The following TRIQK variants were observed in gnomAD, a reference collection of about 807,000 sequenced individuals.
TRIQK encodes triple QxxK/R motif containing.
In TRIQK, 10 loss-of-function variants were observed where a neutral mutation model predicts 10.8. That is an observed-to-expected ratio of 0.92 (90% CI 0.57 to 1.57). The LOEUF is 1.57. Ranked by LOEUF, TRIQK falls within the 40% of genes most tolerant of loss-of-function variation. TRIQK has a pLI of 0.00. For missense variants in TRIQK, 107 were observed against 97.7 expected (o/e 1.09, Z -0.40); for synonymous variants, 33 against 33.7 (o/e 0.98, Z 0.07).
At chr8:92,909,636 A>T (rs1183179259) in intron 3 of TRIQK, among the ~76,000 whole-genome samples, 3 of 151,834 alleles carry the variant, frequency 2.0e-5, no homozygotes, top group Non-Finnish European at 3.0e-5. Context: ...CTAAGAAACA[A>T]GCACTAAGCT....
chr8:92,943,567 A>C (rs1811375636), intron 2 of TRIQK, among the ~76,000 whole-genome samples: 1 of 152,222 alleles, frequency 6.6e-6, no homozygotes, highest in African/African-American at 2.4e-5. Flanking sequence ...AGAACACAGA[A>C]TAGAAAAAGA....
intron 2 of TRIQK, among the ~76,000 whole-genome samples, chr8:92,951,393 ACT>A (rs932477137): frequency 3.3e-5 from 5 of 152,040 alleles, no homozygotes; most frequent in African/African-American, 1.2e-4. Flanking sequence ...ACAGAGCACA[ACT>A]CTGACTCTCA....
At chr8:92,901,480 T>C (rs1808936486) in intron 3 of TRIQK, among the ~76,000 whole-genome samples, 1 of 152,206 alleles carries the variant, frequency 6.6e-6, no homozygotes, top group Non-Finnish European at 1.5e-5. Flanking sequence ...TATCAAATGC[T>C]TTTTCACCAT....
chr8:92,947,687 T>A (rs1811628649), intron 2 of TRIQK, among the ~76,000 whole-genome samples: 1 of 151,956 alleles, frequency 6.6e-6, no homozygotes, highest in African/African-American at 2.4e-5. Context: ...TTTTTCACTG[T>A]ACCACACCAT....
chr8:92,889,009 A>G (rs1816625494), intron 4 of TRIQK, among the ~76,000 whole-genome samples: 1 of 151,594 alleles, frequency 6.6e-6, no homozygotes, highest in South Asian at 2.1e-4. Context: ...TTGTGCAAAC[A>G]TTTTTTAGGC....
At chr8:92,954,335 A>G (rs1001848927) in intron 2 of TRIQK, 71 bp downstream of exon 2, 4 of 151,958 alleles carry the variant, frequency 2.6e-5, no homozygotes, top group African/African-American at 9.7e-5. Flanking sequence ...CAAAGCAATA[A>G]GTACAAAGTG....
chr8:92,969,369 T>G (rs1380738411), upstream of TRIQK, among the ~76,000 whole-genome samples: 1 of 152,154 alleles, frequency 6.6e-6, no homozygotes, highest in Non-Finnish European at 1.5e-5. Flanking sequence ...TTAATTCCAT[T>G]GTAGTTAGAA....
At chr8:92,976,840 C>T (rs1401162680) in intron 1 of TRIQK, among the ~76,000 whole-genome samples, 1 of 151,826 alleles carries the variant, frequency 6.6e-6, no homozygotes, top group African/African-American at 2.4e-5. Flanking sequence ...GTTTAACTTA[C>T]CACCATCTAC....
chr8:92,930,438 A>C (rs765860005), intron 2 of TRIQK, among the ~76,000 whole-genome samples: 1 of 151,610 alleles, frequency 6.6e-6, no homozygotes, highest in Non-Finnish European at 1.5e-5. Flanking sequence ...ATGATACCAA[A>C]CAAATGAAAC....
rs1279520353 is a variant in TRIQK, at chr8:92,954,444, G to A, written c.-60C>T. 9 of 151,906 alleles carry A rather than the reference G, an allele frequency of 5.9e-5. No individual in the cohort carries two copies. Among genetic ancestry groups the A allele is most frequent in the Non-Finnish European group, 4.4e-5 (3 of 67,884 alleles). The allele number at this position is 151,906 out of a possible 1,614,324, so 9.4% of individuals were successfully genotyped here. A position where few individuals can be genotyped will look rare whatever the true frequency, so the allele number is the denominator to read the frequency against. On this transcript the variant is annotated 5_prime_UTR_variant, in exon 2 of 5. Coordinates refer to ENST00000521988, the MANE Select transcript of TRIQK (RefSeq NM_001171797.2). ...TTTGATGCTGCCAAGTCTAAACTCTGGAGAGCTGCCAAGGGGTAAGATGTT... is the reference window on the plus strand; with the variant it reads ...TTTGATGCTGCCAAGTCTAAACTCTAGAGAGCTGCCAAGGGGTAAGATGTT...
At chr8:92,969,853 T>A (rs2448954), upstream of TRIQK, among the ~76,000 whole-genome samples, 151,380 of 152,206 alleles carry the variant, frequency 0.99, 75,280 homozygotes, top group East Asian at 1. Flanking sequence ...ACAGGTAAAC[T>A]TGTGCCATGC....
intron 1 of TRIQK, among the ~76,000 whole-genome samples, chr8:92,984,656 A>G (rs1813015623): frequency 6.6e-6 from 1 of 152,138 alleles, no homozygotes; most frequent in Admixed American, 6.6e-5. Context: ...TTTAACATTC[A>G]TAACCCTATT....
At chr8:92,925,984 G>A (rs912124538) in intron 2 of TRIQK, among the ~76,000 whole-genome samples, 1 of 152,132 alleles carries the variant, frequency 6.6e-6, no homozygotes, top group African/African-American at 2.4e-5. Context: ...GGAGGCTGAG[G>A]CAGGAGAATG....
chr8:93,012,070 G>C (rs991637013), intron 1 of TRIQK, among the ~76,000 whole-genome samples: 3 of 151,970 alleles, frequency 2.0e-5, no homozygotes, highest in South Asian at 4.1e-4. Context: ...GCAAGAAATA[G>C]AAAATAAAAT....
chr8:93,006,974 C>T (rs1813280162), intron 1 of TRIQK, among the ~76,000 whole-genome samples: 2 of 152,238 alleles, frequency 1.3e-5, no homozygotes, highest in Admixed American at 1.3e-4. Flanking sequence ...ATTCCTTCAG[C>T]GCAGTGCACC....
At chr8:92,901,458 G>T (rs1010066549) in intron 3 of TRIQK, among the ~76,000 whole-genome samples, 2 of 152,090 alleles carry the variant, frequency 1.3e-5, no homozygotes, top group Non-Finnish European at 1.5e-5. Context: ...TATCATGAAG[G>T]ATGTTAAATT....
intron 4 of TRIQK, 86 bp downstream of exon 4, chr8:92,891,903 T>A (rs1408110820): frequency 1.1e-6 from 1 of 946,842 alleles, no homozygotes; most frequent in Non-Finnish European, 1.5e-6. Context: ...ATAAAACATT[T>A]AGAATTCAAC....
At chr8:92,906,698 A>G (rs892743620) in intron 3 of TRIQK, among the ~76,000 whole-genome samples, 11 of 149,630 alleles carry the variant, frequency 7.4e-5, no homozygotes, top group Non-Finnish European at 1.6e-4. Flanking sequence ...GAAGACTGCT[A>G]ACACGGTGAA....
At chr8:93,017,348 T>C (rs1307044501) in intron 1 of TRIQK, among the ~76,000 whole-genome samples, 1 of 152,172 alleles carries the variant, frequency 6.6e-6, no homozygotes, top group East Asian at 1.9e-4. Flanking sequence ...ATATCACCTC[T>C]ATTATGATCA....
Sources: allele counts gnomAD v4.1 joint callset (sites outside exome capture counted in the v4.1 genomes callset), GRCh38; gene constraint gnomAD v4.1.1; transcripts MANE v1.5; gene names NCBI Gene and HGNC (gene_info 2026-07-23, HGNC 2026-07-21).